TTN: variants seen among roughly 807,000 people sequenced by gnomAD.
TTN encodes the protein titin.
In TTN, 1,525 loss-of-function variants were observed where a neutral mutation model predicts 3,223.0. That is an observed-to-expected ratio of 0.47 (90% CI 0.45 to 0.49). The LOEUF is 0.49. Ranked by LOEUF, TTN falls within the 20% of genes least tolerant of loss-of-function variation. TTN has a pLI of 0.00. For missense variants in TTN, 40,786 were observed against 43,424.0 expected, an observed-to-expected ratio of 0.94 and a Z score of 5.40; for synonymous variants, 14,094 against 15,161.0, an observed-to-expected ratio of 0.93 and a Z score of 5.17.
At chr2:178,793,691 T>C in intron 8 of TTN, 150 bp from the exon 9 acceptor site, 1 of 1,114,754 alleles carries the variant, frequency 9.0e-7, no homozygotes, top group Non-Finnish European at 1.3e-6. Flanking sequence ...TCCCAGCTAC[T>C]CACGAGACTG....
chr2:178,548,836 G>A lies in TTN; in HGVS notation c.92790C>T (p.Asn30930=), dbSNP rs1446476743. 1 of 1,613,100 alleles carries A rather than the reference G, an allele frequency of 6.2e-7. No individual in the cohort carries two copies. The highest frequency in any genetic ancestry group is 1.7e-5 in the Admixed American group (1 of 59,996). ...LTAPELDIDA[N]FKQTHVVRAG... is the part of the protein sequence containing the mutation. ...CTCTAACAACATGAGTCTGTTTGAA[G>A]TTTGCATCTATGTCTAACTCAGGAG... The change falls in exon 339 of 363, where the codon AAC becomes AAT. Residue 30930 remains asparagine, a synonymous_variant. Coordinates refer to ENST00000589042, the MANE Select transcript of TTN (RefSeq NM_001267550.2). The surrounding 1 kb of genome is among the most constrained non-coding windows in gnomAD (Gnocchi z 4.3).
intron 38 of TTN, 35 bp downstream of exon 38, chr2:178,768,637 AT>A (rs763961466): frequency 6.2e-7 from 1 of 1,613,452 alleles, no homozygotes; most frequent in African/African-American, 1.3e-5. Context: ...CATGTATGAC[AT>A]TTTTTCTATG....
Position 178,793,495 on chromosome 2 carries a change from G to T in TTN, c.1445C>A (p.Ala482Asp). The T allele has an allele frequency of 6.2e-7, 1 of 1,614,020 alleles. No homozygotes were observed. The highest frequency in any genetic ancestry group is 8.5e-7 in the Non-Finnish European group (1 of 1,180,018). The part of the protein sequence containing the change: ...EKTAVTKVVV[A>D]ADKAKEQELK... Reference sequence around the variant, plus strand: ...TTCTTGTTCCTTGGCTTTATCGGCGGCCACTACTACCTTAGTTACAGCAGT... The same window carrying T: ...TTCTTGTTCCTTGGCTTTATCGGCGTCCACTACTACCTTAGTTACAGCAGT... Residue 482 changes from alanine to aspartate, a missense_variant, in exon 9 of 363, where the codon GCC (alanine) becomes GAC (aspartate). Transcript: ENST00000589042.
chr2:178,764,075 A>C (rs1008892254), intron 43 of TTN, 102 bp downstream of exon 43: 22 of 1,518,972 alleles, frequency 1.4e-5, no homozygotes, highest in Non-Finnish European at 6.4e-6. Flanking sequence ...GCTTCAAATT[A>C]TGCATGAGAG....
chr2:178,554,457 T>C lies in TTN; in HGVS notation c.88890A>G (p.Ala29630=). Residue 29630 remains alanine (A), a synonymous_variant, in exon 332 of 363, where the codon GCA becomes GCG. Coordinates refer to ENST00000589042, the MANE Select transcript of TTN (RefSeq NM_001267550.2). ...LESDSVVAKN[A]FVTPGPPGIP... ...TCTAATGAAATCATGTCTCACCAAATGCGTTCTTGGCTACAACGGAATCAG... is the reference window on the plus strand; with the variant it reads ...TCTAATGAAATCATGTCTCACCAAACGCGTTCTTGGCTACAACGGAATCAG... 6.2e-7 allele frequency: 1 copy of C among 1,612,786 alleles called. No homozygotes were observed. The highest frequency in any genetic ancestry group is 8.5e-7 in the Non-Finnish European group (1 of 1,179,406).
chr2:178,665,654 G>T, intron 164 of TTN, 54 bp downstream of exon 164: 2 of 1,290,654 alleles, frequency 1.5e-6, no homozygotes, highest in African/African-American at 1.5e-5. Context: ...CTAGCACCCT[G>T]TACATGCTAA....
Position 178,601,826 on chromosome 2 carries a change from CAT to C in TTN, c.55303-41_55303-40del, listed in dbSNP as rs2053539602. On this transcript the variant is annotated intron_variant, in intron 285 of 362. Coordinates refer to ENST00000589042, the MANE Select transcript of TTN (RefSeq NM_001267550.2). The stretch of plus-strand genomic sequence containing the variant: ...ATAGTAGTCATACATTGAATGAAAT[CAT>C]AGCAATATTGAAGTCAACCATATTC... 3 of 1,604,082 alleles carry C rather than the reference CAT, an allele frequency of 1.9e-6. No individual in the cohort carries two copies. The East Asian group carries it at 6.7e-5, about 36-fold the overall frequency.
At chr2:178,726,087 T>C (rs769100266) in intron 69 of TTN, 41 bp from the exon 70 acceptor site, 22 of 1,487,826 alleles carry the variant, frequency 1.5e-5, no homozygotes, top group Middle Eastern at 1.8e-4. Flanking sequence ...GGCTACTGAA[T>C]TTCACAAAAT....
rs775867377 is a variant in TTN, at chr2:178,614,854, G to A, written c.48753C>T (p.Asp16251=). ...AAAATCAAAAATAGATACCTTGTGT[G>A]TCCACAGCCTGGATTTCCTCTGTGG... is the stretch of plus-strand genomic sequence containing the variant. The part of the protein sequence containing the change: ...SRPTEEIQAV[D]TQEAPEIFLD... The change falls in exon 260 of 363, where the codon GAC becomes GAT. Residue 16251 remains aspartate, a synonymous_variant. Coordinates refer to ENST00000589042, the MANE Select transcript of TTN (RefSeq NM_001267550.2). 1.9e-6 allele frequency: 3 copies of A among 1,571,762 alleles called. No individual in the cohort carries two copies. In the South Asian group the frequency reaches 3.5e-5, roughly 18 times the overall value.
At chr2:178,615,533 G>C in intron 258 of TTN, 49 bp from the exon 259 acceptor site, 2 of 1,608,660 alleles carry the variant, frequency 1.2e-6, no homozygotes, top group Non-Finnish European at 1.7e-6. Flanking sequence ...CACCTATGCA[G>C]TTCTCTTCAC....
chr2:178,586,606 T>C lies in TTN; in HGVS notation c.64295A>G (p.Lys21432Arg), dbSNP rs1297397587. Residue 21432 changes from lysine to arginine, a missense_variant, in exon 308 of 363, where the codon AAG becomes AGG. Transcript: ENST00000589042. ...TCTAAATTTGTATTTCTTTCCTTCC[T>C]TTAGGCCAGTGACAACAAGGCTCAG... ...KDLSLVVTGL[K>R]EGKKYKFRVA... 7.4e-6 allele frequency: 12 copies of C among 1,613,102 alleles called. No individual in the cohort carries two copies. Among genetic ancestry groups the C allele is most frequent in the Non-Finnish European group, 9.3e-6 (11 of 1,179,426 alleles).
rs187378247 is a variant in TTN at position 178,581,692 on chromosome 2, G to A, written c.66576C>T (p.Leu22192=). Residue 22192 remains leucine, a synonymous_variant, in exon 316 of 363, where the codon CTC becomes CTT. Coordinates refer to ENST00000589042, the MANE Select transcript of TTN (RefSeq NM_001267550.2). ...CGGAGTCAGCCCGTTTTACTTCAAC[G>A]AGATAACCAATGATAGGGCTGCCGC... ...YDGGSPIIGY[L]VEVKRADSDN... is the part of the protein sequence containing the mutation. 85 of 1,612,212 alleles carry A rather than the reference G, an allele frequency of 5.3e-5. No individual in the cohort carries two copies. Among genetic ancestry groups the A allele is most frequent in the East Asian group, 6.7e-5 (3 of 44,562 alleles).
Position 178,553,612 on chromosome 2 carries a change from G to A in TTN, c.89393C>T (p.Ser29798Phe). Residue 29798 changes from serine to phenylalanine, a missense_variant, in exon 334 of 363, where the codon TCC becomes TTC. Ser to Phe is a radical substitution (Grantham distance 155). Transcript: ENST00000589042. Reference protein sequence around the residue: ...GEVRTTEYVVSNLKPGVNYYF... With the variant: ...GEVRTTEYVVFNLKPGVNYYF... ...GTAATTGACTCCAGGTTTCAGGTTG[G>A]ATACCACATATTCTGTAGTTCTGAC... is the stretch of plus-strand genomic sequence containing the variant. 3 of 1,613,850 alleles carry A rather than the reference G, an allele frequency of 1.9e-6. No individual in the cohort carries two copies. The highest frequency in any genetic ancestry group is 2.5e-6 in the Non-Finnish European group (3 of 1,179,792).
At chr2:178,742,189 G>A (rs2082618467) in intron 47 of TTN, among the ~76,000 whole-genome samples, 1 of 152,052 alleles carries the variant, frequency 6.6e-6, no homozygotes, top group Non-Finnish European at 1.5e-5. Flanking sequence ...ATGCTCTCAT[G>A]AGTTTTTCTT....
In TTN at chr2:178,571,917, A is replaced by G; in HGVS notation, c.74215T>C (p.Phe24739Leu). 6.2e-7 allele frequency: 1 copy of G among 1,613,320 alleles called. No individual in the cohort carries two copies. The highest frequency in any genetic ancestry group is 1.7e-5 in the Admixed American group (1 of 59,992). The change falls in exon 326 of 363, where the codon TTC (phenylalanine) becomes CTC (leucine). Residue 24739 changes from phenylalanine (F) to leucine (L), a missense_variant. Phe to Leu is a conservative substitution (Grantham distance 22). Coordinates refer to ENST00000589042, the MANE Select transcript of TTN (RefSeq NM_001267550.2). ...AGEDLKVDVP[F>L]IGRPTPAVTW... ...ACAGCTGGGGTAGGGCGGCCAATGA[A>G]TGGAACATCAACTTTTAGGTCTTCA...
Position 178,598,505 on chromosome 2 carries a change from C to G in TTN, c.57111+1G>C. ...ATTTCCTTAGTGCCAAGTTTTCCTA[C>G]CTTTTCCCATTCTTCTTTTCCTTCT... On this transcript the variant is annotated splice_donor_variant, in intron 292 of 362. Coordinates refer to ENST00000589042, the MANE Select transcript of TTN (RefSeq NM_001267550.2). LOFTEE classifies it high-confidence loss of function. The G allele has an allele frequency of 6.2e-7, 1 of 1,605,232 alleles. No homozygotes were observed. The highest frequency in any genetic ancestry group is 8.5e-7 in the Non-Finnish European group (1 of 1,177,764).
chr2:178,609,587 C>T lies in TTN; in HGVS notation c.51740-17G>A. On this transcript the variant is annotated splice_polypyrimidine_tract_variant and intron_variant, in intron 272 of 362. Transcript: ENST00000589042. ...TGGGGGCATCTATAGTGATCATAAC[C>T]AATAAATGTTTTCAATTCTGATGAA... The T allele has an allele frequency of 1.3e-6, 2 of 1,568,338 alleles. No homozygotes were observed. Among genetic ancestry groups the T allele is most frequent in the Non-Finnish European group, 1.7e-6 (2 of 1,158,792 alleles).
chr2:178,764,865 G>T, intron 41 of TTN, 54 bp from the exon 42 acceptor site: 1 of 1,601,524 alleles, frequency 6.2e-7, no homozygotes, highest in Non-Finnish European at 8.5e-7. Flanking sequence ...ACACAAGAGA[G>T]CATGCAAAAC....
chr2:178,554,581 TC>T lies in TTN; in HGVS notation c.88765del (p.Glu29589LysfsTer23). 1 of 1,613,870 alleles carries T rather than the reference TC, an allele frequency of 6.2e-7. No individual in the cohort carries two copies. The highest frequency in any genetic ancestry group is 8.5e-7 in the Non-Finnish European group (1 of 1,179,840). ...VVWSMVSEHL[E>X]ECIITTTKII... ...TTTGGTGGTTGTAATGATGCACTCTTCCAAATGTTCAGACACCATAGACCAC... is the reference window on the plus strand; with the variant it reads ...TTTGGTGGTTGTAATGATGCACTCTTCAAATGTTCAGACACCATAGACCAC... On this transcript the variant is annotated frameshift_variant, in exon 332 of 363. Coordinates refer to ENST00000589042, the MANE Select transcript of TTN (RefSeq NM_001267550.2). LOFTEE classifies it high-confidence loss of function.
Sources: gnomAD v4.1 joint callset for allele counts (sites outside exome capture counted in the v4.1 genomes callset) on GRCh38, gnomAD v4.1.1 for gene constraint, Gnocchi (gnomAD v3.1) non-coding constraint, MANE v1.5 for transcripts, NCBI Gene and HGNC (gene_info 2026-07-23, HGNC 2026-07-21) for gene names.